SCP2: variants seen among roughly 807,000 people sequenced by gnomAD.
The protein encoded by SCP2 is SCP-2/3-oxoacyl-CoA thiolase.
Under a neutral mutation model 71.4 loss-of-function variants are expected in SCP2, and 48 were observed. The observed-to-expected ratio is 0.67, with a 90% confidence interval of 0.53 to 0.86. The LOEUF (loss-of-function observed/expected upper bound fraction) is 0.86. Ranked by LOEUF, SCP2 falls within the 40% of genes least tolerant of loss-of-function variation. The pLI, the probability that SCP2 is intolerant of heterozygous loss-of-function variation, is 0.00. For synonymous variants in SCP2, 220 were observed against 218.1 expected (o/e 1.01, Z -0.08); for missense variants, 560 against 655.6 (o/e 0.85, Z 1.59).
intron 12 of SCP2, among the ~76,000 whole-genome samples, chr1:53,017,911 A>G (rs1408732891): frequency 6.6e-6 from 1 of 152,112 alleles, no homozygotes; most frequent in African/African-American, 2.4e-5. Flanking sequence ...CTGCAGTGCA[A>G]TGGCACAATC....
intron 3 of SCP2, 106 bp downstream of exon 3, chr1:52,948,186 T>G (rs1003842449): frequency 1.3e-5 from 10 of 780,404 alleles, no homozygotes; most frequent in Non-Finnish European, 2.1e-5. Flanking sequence ...AAACTCAGAA[T>G]TCATTCAATT....
intron 14 of SCP2, among the ~76,000 whole-genome samples, chr1:53,040,931 C>T (rs1029045484): frequency 1.3e-5 from 2 of 151,910 alleles, no homozygotes; most frequent in Admixed American, 6.6e-5. Context: ...AGAATGTACC[C>T]GAGACATGGA....
chr1:52,947,402 G>T (rs920864136), intron 2 of SCP2, among the ~76,000 whole-genome samples: 1 of 151,898 alleles, frequency 6.6e-6, no homozygotes, highest in African/African-American at 2.4e-5. Flanking sequence ...ATGTCTGTTT[G>T]CTGCTCACTG....
chr1:52,956,441 TATG>T (rs1306440891), intron 5 of SCP2, among the ~76,000 whole-genome samples: 2 of 152,240 alleles, frequency 1.3e-5, no homozygotes, highest in African/African-American at 4.8e-5. Flanking sequence ...GTTAAATATA[TATG>T]ATAATATTTC....
intron 11 of SCP2, chr1:52,993,087 T>G (rs1659641630): frequency 8.0e-7 from 1 of 1,245,918 alleles, no homozygotes; most frequent in Admixed American, 1.7e-5. Flanking sequence ...AAGGCTAACA[T>G]GGTGATCATT....
chr1:52,948,152 G>A (rs573112758), intron 3 of SCP2, 72 bp downstream of exon 3: 2 of 936,754 alleles, frequency 2.1e-6, no homozygotes, highest in Admixed American at 3.4e-5. Flanking sequence ...CAATGCGGAG[G>A]CATTTGTGAA....
intron 7 of SCP2, among the ~76,000 whole-genome samples, chr1:52,976,042 G>T (rs1657934100): frequency 6.6e-6 from 1 of 152,118 alleles, no homozygotes; most frequent in South Asian, 2.1e-4. Context: ...TATTATAAAG[G>T]ATATAAATCA....
intron 5 of SCP2, among the ~76,000 whole-genome samples, chr1:52,959,813 A>G (rs527625407): frequency 2.5e-4 from 37 of 150,534 alleles, no homozygotes; most frequent in African/African-American, 8.8e-4. Context: ...CTCTTTTTCC[A>G]TGGTCATCTT....
At chr1:53,047,539 C>G (rs1354009656) in intron 14 of SCP2, among the ~76,000 whole-genome samples, 1 of 152,002 alleles carries the variant, frequency 6.6e-6, no homozygotes, top group Non-Finnish European at 1.5e-5. Context: ...ATAATAATAT[C>G]ATGAATAATG....
At chr1:53,025,662 C>T (rs72903125) in intron 12 of SCP2, among the ~76,000 whole-genome samples, 20,873 of 152,100 alleles carry the variant, frequency 0.14, 2,041 homozygotes, top group East Asian at 0.32. Context: ...AATCTATTCC[C>T]ACTCTCTATC....
intron 12 of SCP2, among the ~76,000 whole-genome samples, chr1:53,023,643 G>A (rs1296568342): frequency 2.0e-5 from 3 of 152,082 alleles, no homozygotes; most frequent in South Asian, 2.1e-4. Flanking sequence ...GAAAGGGCTG[G>A]GTCTCGAAGG....
intron 11 of SCP2, among the ~76,000 whole-genome samples, chr1:53,014,272 A>C (rs142959230): frequency 3.7e-4 from 56 of 152,208 alleles, no homozygotes; most frequent in Non-Finnish European, 2.5e-4. Flanking sequence ...ACAAATATAC[A>C]TCTGGAGTCA....
intron 13 of SCP2, among the ~76,000 whole-genome samples, chr1:53,033,175 G>T (rs1182255088): frequency 1.3e-5 from 2 of 152,056 alleles, no homozygotes; most frequent in Non-Finnish European, 2.9e-5. Flanking sequence ...AATATTTTAG[G>T]ACTACTTATT....
chr1:52,931,152 G>A (rs113080929), intron 1 of SCP2, among the ~76,000 whole-genome samples: 1,937 of 152,272 alleles, frequency 0.013, 51 homozygotes, highest in African/African-American at 0.045. Context: ...AGTAGGAAAG[G>A]AAACAATAGC....
intron 13 of SCP2, 49 bp downstream of exon 13, chr1:53,028,120 A>AGC: frequency 9.6e-7 from 1 of 1,045,570 alleles, no homozygotes; most frequent in East Asian, 2.4e-5. Flanking sequence ...GGCTAGAGGA[A>AGC]GCAGACACAG....
intron 2 of SCP2, 87 bp downstream of exon 2, chr1:52,941,940 CA>C: frequency 1.1e-6 from 1 of 935,596 alleles, no homozygotes; most frequent in Non-Finnish European, 1.7e-6. Flanking sequence ...CTTGCAAGCA[CA>C]AAAGGAAGCC....
chr1:52,956,197 G>A (rs1446696043), intron 5 of SCP2, among the ~76,000 whole-genome samples: 2 of 152,062 alleles, frequency 1.3e-5, no homozygotes, highest in Non-Finnish European at 2.9e-5. Context: ...CCAGCTACTC[G>A]GGAGGCTGAG....
intron 11 of SCP2, 106 bp from the exon 12 acceptor site, chr1:53,014,784 G>A (rs947000335): frequency 1.6e-6 from 2 of 1,251,808 alleles, no homozygotes; most frequent in Non-Finnish European, 1.1e-6. Context: ...TTACACAAAC[G>A]TGGCCTCGGC....
In SCP2 at chr1:52,976,711, T is replaced by A; in HGVS notation, c.616T>A (p.Leu206Ile). The A allele has an allele frequency of 6.4e-7, 1 of 1,564,328 alleles. No individual in the cohort carries two copies. Among genetic ancestry groups the A allele is most frequent in the Non-Finnish European group, 8.8e-7 (1 of 1,135,236 alleles). The change falls in exon 8 of 16, where the codon TTA becomes ATA. Residue 206 changes from leucine (L) to isoleucine (I), a missense_variant. By Grantham distance (5) the Leu-to-Ile change is conservative. Coordinates refer to ENST00000371514, the MANE Select transcript of SCP2 (RefSeq NM_002979.5). Reference protein sequence around the residue: ...PYSQFQDEYSLDEVMASKEVF... With the variant: ...PYSQFQDEYSIDEVMASKEVF... Reference sequence around the variant, plus strand: ...TTCCCAGTTCCAAGATGAATACAGTTTAGATGAAGTGATGGCATCTAAAGA... The same window carrying A: ...TTCCCAGTTCCAAGATGAATACAGTATAGATGAAGTGATGGCATCTAAAGA...
Sources: allele counts gnomAD v4.1 joint callset (sites outside exome capture counted in the v4.1 genomes callset), GRCh38; gene constraint gnomAD v4.1.1; transcripts MANE v1.5; gene names NCBI Gene and HGNC (gene_info 2026-07-23, HGNC 2026-07-21).